Variants in PTBP3 observed in about 807,000 individuals in gnomAD.
The protein encoded by PTBP3 is polypyrimidine tract-binding protein 3.
In PTBP3, 20 loss-of-function variants were observed where a neutral mutation model predicts 58.7. The observed-to-expected ratio is 0.34, with a 90% CI of 0.24 to 0.50. The LOEUF is 0.50. PTBP3 is among the 20% of genes least tolerant of loss of function. PTBP3 has a pLI of 0.98. For synonymous variants in PTBP3, 185 were observed against 219.8 expected, an observed-to-expected ratio of 0.84 and a Z score of 1.40; for missense variants, 509 against 637.2, an observed-to-expected ratio of 0.80 and a Z score of 2.17.
the PTBP3 span, among the ~76,000 whole-genome samples, chr9:112,345,759 T>C: frequency 2.6e-5 from 4 of 152,152 alleles, no homozygotes; most frequent in Admixed American, 6.5e-5. Context: ...AGAATAATAA[T>C]GTGGGGACTA....
chr9:112,217,998 C>T (rs1330339470), downstream of PTBP3: 1 of 152,200 alleles, frequency 6.6e-6, no homozygotes, highest in African/African-American at 2.4e-5. Context: ...GAGATCACAC[C>T]TTGTGTCTCA....
intron 1 of PTBP3, among the ~76,000 whole-genome samples, chr9:112,306,785 T>C (rs1256901834): frequency 6.6e-6 from 1 of 151,948 alleles, no homozygotes; most frequent in Non-Finnish European, 1.5e-5. Flanking sequence ...CCGGCTAATT[T>C]TTGTATTTTT....
chr9:112,256,661 C>A (rs1836378776), intron 5 of PTBP3, among the ~76,000 whole-genome samples: 2 of 151,864 alleles, frequency 1.3e-5, no homozygotes, highest in South Asian at 2.1e-4. Context: ...CTCCAGAGTA[C>A]TACAGGTACA....
In PTBP3 at chr9:112,219,426, T is replaced by A. The variant is rs992151815; in HGVS notation, c.*4425A>T. On this transcript the variant is annotated 3_prime_UTR_variant, in exon 14 of 14. Coordinates refer to ENST00000374257, the MANE Select transcript of PTBP3 (RefSeq NM_001163788.4). ...AACAAATCAGTTGACAATGCTGATTTAAGCATGCCATAGGCATCTTTCAAT... is the reference window on the plus strand; with the variant it reads ...AACAAATCAGTTGACAATGCTGATTAAAGCATGCCATAGGCATCTTTCAAT... The A allele has an allele frequency of 1.3e-5, 2 of 152,388 alleles. No homozygotes were observed. Among genetic ancestry groups the A allele is most frequent in the Non-Finnish European group, 2.9e-5 (2 of 68,054 alleles). 9.4% of individuals were successfully genotyped at this position (152,388 alleles called of 1,614,324 possible). A position where few individuals can be genotyped will look rare whatever the true frequency, so the allele number is the denominator to read the frequency against.
At chr9:112,232,057 T>C in intron 9 of PTBP3, 42 bp downstream of exon 9, 1 of 1,360,512 alleles carries the variant, frequency 7.4e-7, no homozygotes, top group Non-Finnish European at 1.0e-6. Flanking sequence ...CTACTATACC[T>C]TCTCCTGAAA....
In PTBP3 at chr9:112,222,376, G is replaced by A. The variant is rs1165187902; in HGVS notation, c.*1475C>T. ...CCACCTTCTCATACTCCAAATACGT[G>A]GGTACTCAGTAATGAAAGTCACATT... On this transcript the variant is annotated 3_prime_UTR_variant, in exon 14 of 14. Transcript: ENST00000374257. 1 of 985,474 alleles carries A rather than the reference G, an allele frequency of 1.0e-6. No homozygotes were observed. Among genetic ancestry groups the A allele is most frequent in the Non-Finnish European group, 1.2e-6 (1 of 829,876 alleles). 61.0% of individuals were successfully genotyped at this position (985,474 alleles called of 1,614,324 possible).
In PTBP3 at chr9:112,277,531, T is replaced by C. The variant is rs140633348; in HGVS notation, c.35-1518A>G. On this transcript the variant is annotated intron_variant, in intron 2 of 13. Coordinates refer to ENST00000374257, the MANE Select transcript of PTBP3 (RefSeq NM_001163788.4). ...TTCACTCTCCCTGCTTCCCATATTC[T>C]GGGGATCCAGTATCATATCAACGTT... is the stretch of plus-strand genomic sequence containing the variant. 3.9e-3 allele frequency among the ~76,000 whole-genome samples: 590 copies of C among 152,126 alleles called. 3 individuals carry two copies. The highest frequency in any genetic ancestry group is 6.9e-3 in the Non-Finnish European group (468 of 68,000).
the PTBP3 span, among the ~76,000 whole-genome samples, chr9:112,340,003 C>A: frequency 6.6e-6 from 1 of 152,094 alleles, no homozygotes; most frequent in African/African-American, 2.4e-5. Context: ...ATCGCTCTGT[C>A]ACCCAGGCTG....
intron 7 of PTBP3, among the ~76,000 whole-genome samples, chr9:112,235,263 C>T (rs1835395947): frequency 6.6e-6 from 1 of 152,010 alleles, no homozygotes; most frequent in Non-Finnish European, 1.5e-5. Context: ...AGTTAAAATC[C>T]TTGCCTTTGA....
the PTBP3 span, among the ~76,000 whole-genome samples, chr9:112,357,448 C>A: frequency 6.6e-6 from 1 of 152,184 alleles, no homozygotes; most frequent in Non-Finnish European, 1.5e-5. Context: ...CCTTCCTGGG[C>A]TCAGTTGATC....
At chr9:112,239,895 G>A (rs1439085609) in intron 7 of PTBP3, among the ~76,000 whole-genome samples, 2 of 141,180 alleles carry the variant, frequency 1.4e-5, no homozygotes, top group African/African-American at 5.3e-5. Context: ...AGGAAGGATC[G>A]ATCAGGAGAA....
the PTBP3 span, among the ~76,000 whole-genome samples, chr9:112,358,749 A>C: frequency 6.6e-6 from 1 of 152,168 alleles, no homozygotes; most frequent in African/African-American, 2.4e-5. Flanking sequence ...TCATAGCAAG[A>C]CCTCATCTCC....
At chr9:112,341,506 G>GT in the PTBP3 span, among the ~76,000 whole-genome samples, 7 of 152,074 alleles carry the variant, frequency 4.6e-5, no homozygotes, top group Middle Eastern at 3.4e-3. Context: ...GTGTGTGTGT[G>GT]TGTTGTTGTT....
At chr9:112,262,714 T>C in intron 4 of PTBP3, 115 bp from the exon 5 acceptor site, 1 of 913,882 alleles carries the variant, frequency 1.1e-6, no homozygotes, top group Non-Finnish European at 1.5e-6. Context: ...ACAAGATTTA[T>C]CTACTCCGTC....
intron 1 of PTBP3, among the ~76,000 whole-genome samples, chr9:112,320,314 A>ATATATATATTT: frequency 3.8e-4 from 29 of 75,688 alleles, no homozygotes; most frequent in South Asian, 4.9e-4. Context: ...ATATATATAT[A>ATATATATATTT]TTTTTTTTTA....
the PTBP3 span, among the ~76,000 whole-genome samples, chr9:112,368,917 C>G: frequency 6.6e-6 from 1 of 152,206 alleles, no homozygotes; most frequent in Non-Finnish European, 1.5e-5. Context: ...CTGCTTGGTG[C>G]CCTGTGCCCC....
chr9:112,362,832 A>T, the PTBP3 span: 2 of 320,238 alleles, frequency 6.2e-6, no homozygotes, highest in South Asian at 6.7e-5. Context: ...AAACCCAGAG[A>T]CAACTGCGTT....
intron 7 of PTBP3, among the ~76,000 whole-genome samples, chr9:112,246,752 T>A (rs1835895057): frequency 6.6e-6 from 1 of 151,002 alleles, no homozygotes; most frequent in Non-Finnish European, 1.5e-5. Context: ...AGGGTATTTA[T>A]CATCTCAATC....
chr9:112,278,434 G>A (rs1452401929), intron 2 of PTBP3, among the ~76,000 whole-genome samples: 1 of 152,132 alleles, frequency 6.6e-6, no homozygotes, highest in Admixed American at 6.5e-5. Context: ...TGGAGAAAAG[G>A]ACTGGAGAAA....
Sources: allele counts gnomAD v4.1 joint callset (sites outside exome capture counted in the v4.1 genomes callset), GRCh38; gene constraint gnomAD v4.1.1; transcripts MANE v1.5; gene names NCBI Gene and HGNC (gene_info 2026-07-23, HGNC 2026-07-21).